Variants in DPH6 observed in about 807,000 individuals in gnomAD.
The protein encoded by DPH6 is diphthamine biosynthesis 6.
In DPH6, 33 loss-of-function variants were observed where a neutral mutation model predicts 38.2. The ratio of observed to expected loss-of-function variants is 0.86; its 90% CI spans 0.65 to 1.15. The LOEUF (loss-of-function observed/expected upper bound fraction) is 1.15. Ranked by LOEUF, DPH6 falls within the 50% of genes most tolerant of loss-of-function variation. DPH6 has a pLI of 0.00. For missense variants in DPH6, 325 were observed against 320.0 expected, an observed-to-expected ratio of 1.02 and a Z score of -0.12; for synonymous variants, 108 against 103.0, an observed-to-expected ratio of 1.05 and a Z score of -0.30.
intron 3 of DPH6, among the ~76,000 whole-genome samples, chr15:35,354,356 GC>G (rs1253350532): frequency 6.6e-6 from 1 of 152,104 alleles, no homozygotes; most frequent in Non-Finnish European, 1.5e-5. Context: ...CCTGTCTTGT[GC>G]CAGTTTTCAA....
the DPH6 span, among the ~76,000 whole-genome samples, chr15:35,203,915 C>G: frequency 6.6e-6 from 1 of 151,602 alleles, no homozygotes; most frequent in Non-Finnish European, 1.5e-5. Context: ...TTGTCAGGCT[C>G]TTCAGTAGTC....
chr15:35,432,533 CAG>C (rs2053645766), intron 5 of DPH6, among the ~76,000 whole-genome samples: 1 of 152,046 alleles, frequency 6.6e-6, no homozygotes, highest in Non-Finnish European at 1.5e-5. Context: ...CCAGGGAGGG[CAG>C]AAACAGGTAT....
intron 7 of DPH6, among the ~76,000 whole-genome samples, chr15:35,379,172 C>T (rs1397887990): frequency 6.6e-6 from 1 of 152,212 alleles, no homozygotes; most frequent in Admixed American, 6.5e-5. Flanking sequence ...CTGCCTCTTT[C>T]TTCTAAGGAT....
chr15:35,262,705 C>CAA lies in DPH6; in HGVS notation n.201-42125_201-42124dup, dbSNP rs58580024. On this transcript the variant is annotated intron_variant and non_coding_transcript_variant, in intron 3 of 3. Coordinates refer to the DPH6 transcript ENST00000560386. ...TGCGAAACAGAGCAAGACTCCGTCTCAAAAAAAAAAAAAAAAAAAAAAAAA... is the reference window on the plus strand; with the variant it reads ...TGCGAAACAGAGCAAGACTCCGTCTCAAAAAAAAAAAAAAAAAAAAAAAAAAA... 3.3e-4 allele frequency among the ~76,000 whole-genome samples: 27 copies of CAA among 82,628 alleles called. 2 individuals carry two copies. Among genetic ancestry groups the CAA allele is most frequent in the African/African-American group, 1.5e-3 (23 of 15,718 alleles). The allele number at this position is 82,628 out of a possible 152,430, so 54.2% of individuals were successfully genotyped here.
intron 3 of DPH6, among the ~76,000 whole-genome samples, chr15:35,266,054 T>A (rs2051782422): frequency 6.6e-6 from 1 of 152,190 alleles, no homozygotes; most frequent in African/African-American, 2.4e-5. Flanking sequence ...AATATGTTTT[T>A]GTAAAAGTAT....
At chr15:35,165,364 T>C in the DPH6 span, among the ~76,000 whole-genome samples, 1 of 151,870 alleles carries the variant, frequency 6.6e-6, no homozygotes, top group South Asian at 2.1e-4. Flanking sequence ...GATTTACTTA[T>C]AGAGAACTAA....
intron 3 of DPH6, among the ~76,000 whole-genome samples, chr15:35,504,172 C>T (rs373964723): frequency 6.6e-6 from 1 of 152,038 alleles, no homozygotes; most frequent in East Asian, 1.9e-4. Flanking sequence ...TCAAAAACTC[C>T]CCATTACTTA....
chr15:35,369,364 G>A (rs2052689702), downstream of DPH6, among the ~76,000 whole-genome samples: 1 of 151,744 alleles, frequency 6.6e-6, no homozygotes, highest in South Asian at 2.1e-4. Flanking sequence ...AATTCGTTAA[G>A]ATGCATCTGA....
At chr15:35,379,267 T>C (rs966746605) in intron 7 of DPH6, among the ~76,000 whole-genome samples, 6 of 152,218 alleles carry the variant, frequency 3.9e-5, no homozygotes, top group African/African-American at 1.4e-4. Flanking sequence ...GCATGTAAAA[T>C]TTATTTTTTC....
intron 3 of DPH6, among the ~76,000 whole-genome samples, chr15:35,270,646 A>G (rs2051816642): frequency 6.6e-6 from 1 of 152,220 alleles, no homozygotes; most frequent in Non-Finnish European, 1.5e-5. Context: ...AAAAAACCTA[A>G]GTTATTTCCC....
chr15:35,155,276 T>G, the DPH6 span, among the ~76,000 whole-genome samples: 1 of 152,142 alleles, frequency 6.6e-6, no homozygotes, highest in Non-Finnish European at 1.5e-5. Context: ...CTATAAAAGT[T>G]TGAATCCAGA....
At chr15:35,545,796 A>C (rs1468102878) in intron 1 of DPH6, among the ~76,000 whole-genome samples, 1 of 152,110 alleles carries the variant, frequency 6.6e-6, no homozygotes, top group East Asian at 1.9e-4. Context: ...CGGGTCGCAC[A>C]GAAGTAATTA....
At chr15:35,486,125 T>A (rs2054394736) in intron 3 of DPH6, among the ~76,000 whole-genome samples, 1 of 152,118 alleles carries the variant, frequency 6.6e-6, no homozygotes, top group African/African-American at 2.4e-5. Flanking sequence ...AAACTTACAA[T>A]TATGGCAGAA....
chr15:35,484,920 A>C (rs2054376773), intron 3 of DPH6, among the ~76,000 whole-genome samples: 2 of 152,224 alleles, frequency 1.3e-5, no homozygotes, highest in Admixed American at 1.3e-4. Flanking sequence ...AGAAACTAAA[A>C]GCAAGAAAGC....
At chr15:35,340,780 C>T (rs2052414605) in intron 3 of DPH6, among the ~76,000 whole-genome samples, 1 of 152,178 alleles carries the variant, frequency 6.6e-6, no homozygotes, top group Admixed American at 6.5e-5. Flanking sequence ...TTGTAGGTGA[C>T]CTGGCCTTTC....
At chr15:35,179,342 T>C in the DPH6 span, among the ~76,000 whole-genome samples, 3 of 152,102 alleles carry the variant, frequency 2.0e-5, no homozygotes, top group East Asian at 5.8e-4. Context: ...AAGAAAATAA[T>C]TGGAAATGTC....
intron 5 of DPH6, among the ~76,000 whole-genome samples, chr15:35,422,153 G>C (rs2053514039): frequency 6.6e-6 from 1 of 151,742 alleles, no homozygotes; most frequent in African/African-American, 2.4e-5. Context: ...TGAAGGTTTG[G>C]GAAGGACAAT....
At chr15:35,386,532 C>T (rs2052961244) in intron 6 of DPH6, among the ~76,000 whole-genome samples, 1 of 152,178 alleles carries the variant, frequency 6.6e-6, no homozygotes, top group Non-Finnish European at 1.5e-5. Flanking sequence ...TTAATGATCG[C>T]CATTCTAACT....
At chr15:35,173,119 A>C in the DPH6 span, among the ~76,000 whole-genome samples, 1 of 152,238 alleles carries the variant, frequency 6.6e-6, no homozygotes, top group Non-Finnish European at 1.5e-5. Context: ...AATCTGTCCC[A>C]GATTTCTGGG....
Sources: allele counts gnomAD v4.1 joint callset (sites outside exome capture counted in the v4.1 genomes callset), GRCh38; gene constraint gnomAD v4.1.1; transcripts MANE v1.5; gene names NCBI Gene and HGNC (gene_info 2026-07-23, HGNC 2026-07-21).